The following TRAP1 variants were observed in gnomAD, a reference collection of about 807,000 sequenced individuals.
TRAP1 encodes the protein heat shock protein 75 kDa, mitochondrial.
TRAP1 carries 102 observed loss-of-function variants against 89.1 expected under a neutral mutation model. The observed-to-expected ratio is 1.15, with a 90% CI of 0.98 to 1.35. TRAP1 has a LOEUF of 1.35. Ranked by LOEUF, TRAP1 falls within the 40% of genes most tolerant of loss-of-function variation. TRAP1 has a pLI of 0.00. For synonymous variants in TRAP1, 508 were observed against 388.0 expected (o/e 1.31, Z -3.64); for missense variants, 1,256 against 945.3 (o/e 1.33, Z -4.31).
At chr16:3,711,493 G>A (rs1399355839) in intron 1 of TRAP1, among the ~76,000 whole-genome samples, 4 of 152,092 alleles carry the variant, frequency 2.6e-5, no homozygotes, top group Admixed American at 1.3e-4. Context: ...CAGCTACTTG[G>A]GAGGCTGAGG....
At chr16:3,660,994 G>A (rs1175855953) in intron 16 of TRAP1, 1 of 151,918 alleles carries the variant, frequency 6.6e-6, no homozygotes, top group Non-Finnish European at 1.5e-5. Flanking sequence ...TTTCCTTTTT[G>A]CTGTTTTCTA....
At chr16:3,674,954 C>A (rs1312186016) in intron 8 of TRAP1, 2 of 322,782 alleles carry the variant, frequency 6.2e-6, no homozygotes, top group South Asian at 3.9e-5. Flanking sequence ...GCTGCTGGGA[C>A]TGGGGGAGGG....
intron 11 of TRAP1, among the ~76,000 whole-genome samples, chr16:3,669,832 C>CAAAAAA (rs59256364): frequency 8.3e-4 from 55 of 66,150 alleles, no homozygotes; most frequent in Non-Finnish European, 1.4e-3. Context: ...GACTCCGTCT[C>CAAAAAA]AAAAAAAAAA....
At chr16:3,678,829 G>A (rs998999497) in intron 5 of TRAP1, among the ~76,000 whole-genome samples, 11 of 152,178 alleles carry the variant, frequency 7.2e-5, no homozygotes, top group Admixed American at 4.6e-4. Context: ...AAGGGCGACC[G>A]CTGGAGGTTC....
At chr16:3,709,999 C>T (rs1211731887) in intron 1 of TRAP1, among the ~76,000 whole-genome samples, 1 of 152,176 alleles carries the variant, frequency 6.6e-6, no homozygotes, top group Non-Finnish European at 1.5e-5. Flanking sequence ...CCTGTATTCC[C>T]TCACAAATGT....
chr16:3,687,090 A>G (rs1265029798), intron 3 of TRAP1: 1 of 152,086 alleles, frequency 6.6e-6, no homozygotes, highest in East Asian at 1.9e-4. Flanking sequence ...CCCCACGAAA[A>G]TCTCACCTTG....
At chr16:3,712,608 A>T (rs2051547325) in intron 1 of TRAP1, among the ~76,000 whole-genome samples, 1 of 152,022 alleles carries the variant, frequency 6.6e-6, no homozygotes, top group Non-Finnish European at 1.5e-5. Flanking sequence ...TTACATTCGG[A>T]TTGATGTGTT....
At chr16:3,686,299 G>C (rs530493630) in intron 3 of TRAP1, among the ~76,000 whole-genome samples, 163 bp from the exon 4 acceptor site, 1 of 152,134 alleles carries the variant, frequency 6.6e-6, no homozygotes, top group African/African-American at 2.4e-5. Flanking sequence ...CCTCTGGGCC[G>C]GTCACAAAGT....
At position 3,672,113 on chromosome 16, in the gene TRAP1, G is replaced by A. The variant is rs944924087; in HGVS notation, c.1166-322C>T. The stretch of plus-strand genomic sequence containing the variant: ...AGCGCTTTGGGAGGCCGAGGTGGGC[G>A]GATCATGAGGTCAGGAGTTCGAGAC... On this transcript the variant is annotated intron_variant, in intron 10 of 17. Coordinates refer to ENST00000246957, the MANE Select transcript of TRAP1 (RefSeq NM_016292.3). 1.8e-4 allele frequency among the ~76,000 whole-genome samples: 27 copies of A among 152,288 alleles called. No homozygotes were observed. In the East Asian group the frequency reaches 3.7e-3, roughly 21 times the overall value.
intron 1 of TRAP1, among the ~76,000 whole-genome samples, chr16:3,712,061 C>T (rs1288208751): frequency 1.3e-5 from 2 of 152,048 alleles, no homozygotes; most frequent in African/African-American, 2.4e-5. Flanking sequence ...GAGGCCAAAG[C>T]AGGCAGATCA....
chr16:3,687,749 G>C (rs1325720563), intron 3 of TRAP1, among the ~76,000 whole-genome samples: 1 of 151,770 alleles, frequency 6.6e-6, no homozygotes, highest in East Asian at 1.9e-4. Flanking sequence ...GCCAGAGGCT[G>C]AGGAGGAAGG....
chr16:3,717,244 C>T (rs148911029), intron 1 of TRAP1, among the ~76,000 whole-genome samples, 177 bp downstream of exon 1: 264 of 152,344 alleles, frequency 1.7e-3, no homozygotes, highest in Non-Finnish European at 3.1e-3. Context: ...AAAAGGCAGC[C>T]AAGCTGGAGC....
chr16:3,677,911 G>A (rs1596717988), intron 5 of TRAP1: 1 of 456,492 alleles, frequency 2.2e-6, no homozygotes, highest in Non-Finnish European at 3.9e-6. Context: ...AGTCCTGCCT[G>A]TCCCAGACAG....
intron 16 of TRAP1, chr16:3,661,455 C>G (rs773419172): frequency 6.6e-6 from 1 of 152,320 alleles, no homozygotes; most frequent in Non-Finnish European, 1.5e-5. Context: ...GCCCCAGACA[C>G]GTGGACAAGA....
chr16:3,702,509 G>A (rs1015880215), intron 1 of TRAP1, among the ~76,000 whole-genome samples: 2 of 151,856 alleles, frequency 1.3e-5, no homozygotes, highest in African/African-American at 4.9e-5. Context: ...CTAGGAGGCT[G>A]AGGCAGGCAG....
At chr16:3,661,956 C>G in intron 16 of TRAP1, 31 bp downstream of exon 16, 1 of 1,564,224 alleles carries the variant, frequency 6.4e-7, no homozygotes, top group African/African-American at 1.4e-5. Flanking sequence ...GGGAATCCCA[C>G]AGGCTGGAAG....
intron 4 of TRAP1, among the ~76,000 whole-genome samples, chr16:3,680,802 G>C (rs572953767): frequency 6.6e-6 from 1 of 152,190 alleles, no homozygotes; most frequent in Admixed American, 6.5e-5. Flanking sequence ...GCTTGAGGGA[G>C]CTTGCCTGCC....
intron 7 of TRAP1, 64 bp downstream of exon 7, chr16:3,675,972 G>C: frequency 7.1e-7 from 1 of 1,400,492 alleles, no homozygotes; most frequent in Admixed American, 1.9e-5. Context: ...AATGCCTGCT[G>C]ACCTGGTGGC....
chr16:3,701,210 A>C (rs2051360453), intron 1 of TRAP1, among the ~76,000 whole-genome samples: 1 of 152,228 alleles, frequency 6.6e-6, no homozygotes, highest in Admixed American at 6.5e-5. Context: ...AAAAAGAAGG[A>C]TATTTCAGAA....
Sources: gnomAD v4.1 joint callset for allele counts (sites outside exome capture counted in the v4.1 genomes callset) on GRCh38, gnomAD v4.1.1 for gene constraint, MANE v1.5 for transcripts, NCBI Gene and HGNC (gene_info 2026-07-23, HGNC 2026-07-21) for gene names.